The following AGBL1 variants were observed in gnomAD, a reference collection of about 807,000 sequenced individuals.
AGBL1 encodes the protein AGBL carboxypeptidase 1.
Under a neutral mutation model 118.9 loss-of-function variants are expected in AGBL1, and 130 were observed. The ratio of observed to expected loss-of-function variants is 1.09; its 90% confidence interval spans 0.95 to 1.26. The LOEUF (loss-of-function observed/expected upper bound fraction) is 1.26. Among genes scored for constraint, AGBL1 ranks in the 50% most tolerant of loss-of-function variants. The pLI is 0.00. For synonymous variants in AGBL1, 555 were observed against 478.9 expected, an observed-to-expected ratio of 1.16 and a Z score of -2.08; for missense variants, 1,584 against 1,298.1, an observed-to-expected ratio of 1.22 and a Z score of -3.38.
chr15:86,760,778 G>A (rs1192041717), intron 22 of AGBL1, among the ~76,000 whole-genome samples: 2 of 152,060 alleles, frequency 1.3e-5, no homozygotes, highest in Non-Finnish European at 2.9e-5. Context: ...ACGTTGGCTG[G>A]TTCTTGGAGG....
chr15:86,706,186 T>C (rs1342029444), intron 22 of AGBL1, among the ~76,000 whole-genome samples: 1 of 152,102 alleles, frequency 6.6e-6, no homozygotes, highest in African/African-American at 2.4e-5. Flanking sequence ...ATATTATATA[T>C]GTCATAGTTT....
At chr15:86,298,441 C>A (rs2079693345) in intron 17 of AGBL1, among the ~76,000 whole-genome samples, 1 of 148,334 alleles carries the variant, frequency 6.7e-6, no homozygotes, top group African/African-American at 2.5e-5. Context: ...AGAAAAAAAA[C>A]CCAGCCCAGT....
chr15:86,669,409 A>G (rs1207397357), intron 21 of AGBL1, among the ~76,000 whole-genome samples: 4 of 152,194 alleles, frequency 2.6e-5, no homozygotes, highest in African/African-American at 7.2e-5. Flanking sequence ...AAGTAAGGTT[A>G]AGAGATGTGG....
chr15:86,967,618 C>T (rs1470283965), intron 23 of AGBL1, among the ~76,000 whole-genome samples: 1 of 151,996 alleles, frequency 6.6e-6, no homozygotes, highest in Admixed American at 6.6e-5. Flanking sequence ...TCAGGTTTGT[C>T]AAAGATCAGA....
chr15:86,505,009 A>G (rs1596199135), intron 18 of AGBL1, among the ~76,000 whole-genome samples: 1 of 151,876 alleles, frequency 6.6e-6, no homozygotes, highest in South Asian at 2.1e-4. Flanking sequence ...TTTCTCCGTT[A>G]AAAAATAGTT....
chr15:86,375,180 C>A (rs963364402), intron 17 of AGBL1, among the ~76,000 whole-genome samples: 2 of 152,164 alleles, frequency 1.3e-5, no homozygotes, highest in Non-Finnish European at 2.9e-5. Context: ...TAGCCATTCT[C>A]ACACTGCCTA....
chr15:86,328,697 G>T (rs1406958129), intron 17 of AGBL1, among the ~76,000 whole-genome samples: 1 of 152,088 alleles, frequency 6.6e-6, no homozygotes, highest in African/African-American at 2.4e-5. Context: ...GAGACAGACA[G>T]CCTCCCTCTG....
chr15:86,804,008 T>C (rs138372142), intron 22 of AGBL1, among the ~76,000 whole-genome samples: 1 of 152,044 alleles, frequency 6.6e-6, no homozygotes, highest in Non-Finnish European at 1.5e-5. Context: ...AACAAGTCTG[T>C]TATCCAATGG....
At chr15:86,849,858 AGAGT>A (rs1252324544) in intron 22 of AGBL1, among the ~76,000 whole-genome samples, 2 of 152,246 alleles carry the variant, frequency 1.3e-5, no homozygotes, top group African/African-American at 4.8e-5. Context: ...CTTTAGAAAC[AGAGT>A]GAGTAAGGCC....
At chr15:86,557,573 C>G (rs1024372102) in intron 21 of AGBL1, among the ~76,000 whole-genome samples, 8 of 152,144 alleles carry the variant, frequency 5.3e-5, no homozygotes, top group Non-Finnish European at 1.0e-4. Flanking sequence ...CGAGCTGCAT[C>G]CTTGTATTGT....
At chr15:86,974,299 T>G (rs1306804762) in intron 23 of AGBL1, among the ~76,000 whole-genome samples, 6 of 45,448 alleles carry the variant, frequency 1.3e-4, no homozygotes, top group African/African-American at 6.1e-4. Context: ...TTTTAATATA[T>G]TAAATATAAA....
intron 24 of AGBL1, among the ~76,000 whole-genome samples, chr15:87,001,162 T>A (rs1423973857): frequency 6.8e-6 from 1 of 146,614 alleles, no homozygotes; most frequent in East Asian, 2.0e-4. Context: ...TATACAATCA[T>A]GTCATCTGCA....
chr15:86,335,706 G>A (rs964240743), intron 17 of AGBL1, among the ~76,000 whole-genome samples: 8 of 152,108 alleles, frequency 5.3e-5, no homozygotes, highest in African/African-American at 1.9e-4. Context: ...AGTAAAATAA[G>A]GTGTTGTTAT....
intron 21 of AGBL1, among the ~76,000 whole-genome samples, chr15:86,555,890 C>G (rs2083726811): frequency 6.6e-6 from 1 of 151,868 alleles, no homozygotes; most frequent in African/African-American, 2.4e-5. Flanking sequence ...CCTTGTCATT[C>G]AAAACGTATA....
chr15:86,525,743 T>A (rs1046645214), intron 19 of AGBL1, among the ~76,000 whole-genome samples: 2 of 152,140 alleles, frequency 1.3e-5, no homozygotes, highest in Admixed American at 6.5e-5. Flanking sequence ...AAATCTAAGA[T>A]CTGAGTCTGT....
chr15:86,426,817 A>C (rs555148680), intron 18 of AGBL1, among the ~76,000 whole-genome samples: 1 of 152,302 alleles, frequency 6.6e-6, no homozygotes, highest in East Asian at 1.9e-4. Context: ...CCCAGGCTGG[A>C]GTGCAATGGC....
intron 1 of AGBL1, among the ~76,000 whole-genome samples, chr15:86,135,442 C>T (rs999162535): frequency 6.6e-6 from 1 of 152,180 alleles, no homozygotes; most frequent in Non-Finnish European, 1.5e-5. Flanking sequence ...AGTTGGCACT[C>T]TGTATTTGCT....
At chr15:86,788,063 A>G (rs1001145496) in intron 22 of AGBL1, among the ~76,000 whole-genome samples, 1 of 152,168 alleles carries the variant, frequency 6.6e-6, no homozygotes, top group Non-Finnish European at 1.5e-5. Flanking sequence ...ATAAAGTAGA[A>G]GGATGAGGAA....
At chr15:86,445,940 T>C (rs1207709429) in intron 18 of AGBL1, among the ~76,000 whole-genome samples, 1 of 152,090 alleles carries the variant, frequency 6.6e-6, no homozygotes, top group East Asian at 1.9e-4. Context: ...AATGACACAA[T>C]ATGTCAAAGA....
Sources: gnomAD v4.1 joint callset for allele counts (sites outside exome capture counted in the v4.1 genomes callset) on GRCh38, gnomAD v4.1.1 for gene constraint, MANE v1.5 for transcripts, NCBI Gene and HGNC (gene_info 2026-07-23, HGNC 2026-07-21) for gene names.